The following CORO2B variants were observed in gnomAD, a reference collection of about 807,000 sequenced individuals.
CORO2B encodes the protein coronin 2B, also known as coronin-2B.
In CORO2B, 26 loss-of-function variants were observed where a neutral mutation model predicts 58.8. That is an observed-to-expected ratio of 0.44 (90% confidence interval 0.32 to 0.61). The LOEUF (loss-of-function observed/expected upper bound fraction) is 0.61. Among genes scored for constraint, CORO2B ranks in the 20% least tolerant of loss-of-function variants. The probability of loss-of-function intolerance (pLI) is 0.04; values close to 1 mark genes in which losing one functional copy is unlikely to be tolerated. For synonymous variants in CORO2B, 242 were observed against 253.8 expected, an observed-to-expected ratio of 0.95 and a Z score of 0.44; for missense variants, 460 against 645.1, an observed-to-expected ratio of 0.71 and a Z score of 3.11.
chr15:68,603,331 G>A (rs1900030375), intron 1 of CORO2B, among the ~76,000 whole-genome samples: 2 of 152,174 alleles, frequency 1.3e-5, no homozygotes, highest in African/African-American at 4.8e-5. Flanking sequence ...ATGAGCGAAA[G>A]TTGGCCTGTA....
intron 3 of CORO2B, among the ~76,000 whole-genome samples, chr15:68,696,548 ACT>A (rs1892515726): frequency 1.1e-5 from 1 of 89,514 alleles, no homozygotes; most frequent in Admixed American, 1.6e-4. Context: ...ACAGAGCAAG[ACT>A]CTGCCTCAAA....
chr15:68,695,168 A>G lies in CORO2B; in HGVS notation c.245A>G (p.Lys82Arg), dbSNP rs746161427. Residue 82 changes from lysine (K) to arginine (R), a missense_variant, in exon 3 of 12, where the codon AAG (lysine) becomes AGG (arginine). Physicochemically the swap from Lys to Arg is conservative, Grantham distance 26. This residue lies in a region of CORO2B where 352 missense variants were observed against 543.0 expected (regional missense o/e 0.65). Transcript: ENST00000261861. ...GGCAGGATTGAACCCAACTACCCCAAGGTCTGCGGCCACCAGGGCAATGTG... is the reference window on the plus strand; with the variant it reads ...GGCAGGATTGAACCCAACTACCCCAGGGTCTGCGGCCACCAGGGCAATGTG... ...QTGRIEPNYPKVCGHQGNVLD... is the reference protein window; with the variant it reads ...QTGRIEPNYPRVCGHQGNVLD... 3.7e-6 allele frequency: 6 copies of G among 1,613,712 alleles called. No individual in the cohort carries two copies. Among genetic ancestry groups the G allele is most frequent in the Non-Finnish European group, 5.1e-6 (6 of 1,179,888 alleles).
At chr15:68,578,586 A>G (rs1899332287), upstream of CORO2B, among the ~76,000 whole-genome samples, 1 of 151,518 alleles carries the variant, frequency 6.6e-6, no homozygotes, top group African/African-American at 2.4e-5. This position sits in a 1 kb window ranked among gnomAD's most constrained non-coding sequence, Gnocchi z 4.2. Context: ...CTCACGGCCC[A>G]CGGGCCGACT....
At chr15:68,615,208 T>G (rs775440724) in intron 1 of CORO2B, among the ~76,000 whole-genome samples, 1 of 152,208 alleles carries the variant, frequency 6.6e-6, no homozygotes, top group African/African-American at 2.4e-5. Flanking sequence ...GGTCATTAAC[T>G]GGGTCTCTCT....
chr15:68,682,241 G>T (rs1340613573), intron 2 of CORO2B, among the ~76,000 whole-genome samples: 2 of 152,342 alleles, frequency 1.3e-5, no homozygotes, highest in African/African-American at 2.4e-5. Flanking sequence ...TGGAAGAGTT[G>T]CACAAGGAAA....
intron 1 of CORO2B, among the ~76,000 whole-genome samples, chr15:68,615,405 A>C (rs1372630368): frequency 6.6e-6 from 1 of 152,166 alleles, no homozygotes; most frequent in South Asian, 2.1e-4. Flanking sequence ...GCAATCACAC[A>C]GTGGATGTTT....
At chr15:68,665,266 G>C (rs1408204924) in intron 2 of CORO2B, among the ~76,000 whole-genome samples, 1 of 151,896 alleles carries the variant, frequency 6.6e-6, no homozygotes, top group East Asian at 1.9e-4. Context: ...TGAGATTCAG[G>C]CTTTGCTGCA....
At chr15:68,697,213 G>A (rs1022136935) in intron 3 of CORO2B, among the ~76,000 whole-genome samples, 2 of 150,656 alleles carry the variant, frequency 1.3e-5, no homozygotes, top group Non-Finnish European at 2.9e-5. Context: ...TGGATGGATT[G>A]TTGGATGGAT....
chr15:68,650,585 T>G (rs1288839828), intron 2 of CORO2B, among the ~76,000 whole-genome samples: 4 of 152,154 alleles, frequency 2.6e-5, no homozygotes, highest in Non-Finnish European at 5.9e-5. Context: ...GCACTCCAGC[T>G]TGGCGACAGA....
chr15:68,575,193 G>A (rs559515481), upstream of CORO2B, among the ~76,000 whole-genome samples: 65 of 152,174 alleles, frequency 4.3e-4, no homozygotes, highest in African/African-American at 9.6e-4. Flanking sequence ...TAATGCCCTC[G>A]GGTCAGCCCT....
At chr15:68,580,147 A>C (rs918044449) in intron 1 of CORO2B, among the ~76,000 whole-genome samples, 7 of 152,196 alleles carry the variant, frequency 4.6e-5, no homozygotes, top group Non-Finnish European at 1.0e-4. Flanking sequence ...TGAGGGTGAT[A>C]ATATGGGTCC....
chr15:68,705,077 GC>G (rs1278218726), intron 3 of CORO2B, among the ~76,000 whole-genome samples: 1 of 152,146 alleles, frequency 6.6e-6, no homozygotes, highest in Non-Finnish European at 1.5e-5. Flanking sequence ...AGCATGTGGT[GC>G]CAACTGTTTG....
the CORO2B span, among the ~76,000 whole-genome samples, chr15:68,531,753 T>C: frequency 6.6e-6 from 1 of 151,824 alleles, no homozygotes; most frequent in African/African-American, 2.4e-5. Flanking sequence ...TAATGCTCTC[T>C]ATTGTTTTAA....
intron 1 of CORO2B, among the ~76,000 whole-genome samples, chr15:68,616,800 A>C (rs1196765642): frequency 6.6e-6 from 1 of 152,224 alleles, no homozygotes; most frequent in Non-Finnish European, 1.5e-5. Context: ...CAGTGTGCCA[A>C]ACTGGATTTG....
the CORO2B span, among the ~76,000 whole-genome samples, chr15:68,545,617 G>GGGGC: frequency 6.6e-6 from 1 of 151,414 alleles, no homozygotes; most frequent in Non-Finnish European, 1.5e-5. Context: ...GGGGGCGGGG[G>GGGGC]GGGTAATACT....
At chr15:68,537,615 C>T in the CORO2B span, among the ~76,000 whole-genome samples, 5 of 152,240 alleles carry the variant, frequency 3.3e-5, no homozygotes, top group African/African-American at 4.8e-5. Flanking sequence ...GCCCAGCATG[C>T]GTCAGCCATG....
intron 1 of CORO2B, among the ~76,000 whole-genome samples, chr15:68,596,304 A>G (rs1050618971): frequency 2.0e-5 from 3 of 149,498 alleles, no homozygotes; most frequent in Non-Finnish European, 4.4e-5. Flanking sequence ...AGGACAGAAC[A>G]CAATCCTGAC....
intron 1 of CORO2B, among the ~76,000 whole-genome samples, chr15:68,637,905 G>C (rs1901082587): frequency 6.6e-6 from 1 of 152,176 alleles, no homozygotes; most frequent in Non-Finnish European, 1.5e-5. Flanking sequence ...TCATCATCTA[G>C]AAAATGCACC....
rs71145193 is a variant in CORO2B, at chr15:68,701,478, A to ATTTTTTTTTTT, written c.333+6237_333+6247dup. On this transcript the variant is annotated intron_variant, in intron 3 of 11. Transcript: ENST00000261861. ...AGGCGCCTGCAACCACGCCCGGCTA[A>ATTTTTTTTTTT]TTTTTTTTTTTTTTTTTTTTTTTTT... Among the ~76,000 whole-genome samples the ATTTTTTTTTTT allele has an allele frequency of 2.8e-4, 11 of 38,852 alleles. 1 individual carries two copies. Among genetic ancestry groups the ATTTTTTTTTTT allele is most frequent in the Non-Finnish European group, 4.9e-4 (11 of 22,336 alleles). The allele number at this position is 38,852 out of a possible 152,430, so 25.5% of individuals were successfully genotyped here. A position where few individuals can be genotyped will look rare whatever the true frequency, so the allele number is the denominator to read the frequency against.
Sources: gnomAD v4.1 joint callset for allele counts (sites outside exome capture counted in the v4.1 genomes callset) on GRCh38, gnomAD v4.1.1 for gene constraint, gnomAD v4.1.1 regional missense constraint, Gnocchi (gnomAD v3.1) non-coding constraint, MANE v1.5 for transcripts, NCBI Gene and HGNC (gene_info 2026-07-23, HGNC 2026-07-21) for gene names.